The following ALDH1L1 variants were observed in gnomAD, a reference collection of about 807,000 sequenced individuals.
The protein encoded by ALDH1L1 is cytosolic 10-formyltetrahydrofolate dehydrogenase.
In ALDH1L1, 68 loss-of-function variants were observed where a neutral mutation model predicts 101.1. The ratio of observed to expected loss-of-function variants is 0.67; its 90% CI spans 0.55 to 0.82. ALDH1L1 has a LOEUF of 0.82. Ranked by LOEUF, ALDH1L1 falls within the 40% of genes least tolerant of loss-of-function variation. The pLI, the probability that ALDH1L1 is intolerant of heterozygous loss-of-function variation, is 0.00. For synonymous variants in ALDH1L1, 486 were observed against 470.8 expected (o/e 1.03, Z -0.42); for missense variants, 1,087 against 1,172.7 (o/e 0.93, Z 1.07).
intron 11 of ALDH1L1, 81 bp downstream of exon 11, chr3:126,136,682 AC>A: frequency 2.6e-6 from 4 of 1,528,136 alleles, no homozygotes; most frequent in Admixed American, 4.0e-5. Flanking sequence ...CAGGGTCAGG[AC>A]CCCCAGAGGC....
intron 22 of ALDH1L1, chr3:126,104,196 GC>G (rs2108156286): frequency 3.1e-6 from 1 of 325,086 alleles, no homozygotes. Flanking sequence ...TCTCATGGCT[GC>G]CCCCAGCTAC....
At position 126,145,560 on chromosome 3, in the gene ALDH1L1, C is replaced by T. The variant is rs901631794; in HGVS notation, c.1076+1275G>A. 2.6e-5 allele frequency among the ~76,000 whole-genome samples: 4 copies of T among 152,200 alleles called. No individual in the cohort carries two copies. The East Asian group carries it at 7.7e-4, about 29-fold the overall frequency. ...AGGGCTGAATTTTGAGGACATCATG[C>T]TAAGCGTAAAAAGCCAGTCACAGAA... is the stretch of plus-strand genomic sequence containing the variant. On this transcript the variant is annotated intron_variant, in intron 9 of 22. Transcript: ENST00000393434.
rs1328040899 is a variant in ALDH1L1, at chr3:126,154,722, C to G, written c.631-79G>C. The stretch of plus-strand genomic sequence containing the variant: ...CCCTGATGACATCTGGACAGTGGAC[C>G]AAGCTCTTGTGAGACAGCTGGTAAC... On this transcript the variant is annotated intron_variant, in intron 5 of 22. Coordinates refer to ENST00000393434, the MANE Select transcript of ALDH1L1 (RefSeq NM_012190.4). 42 of 1,358,652 alleles carry G rather than the reference C, an allele frequency of 3.1e-5. No homozygotes were observed. In the Admixed American group the frequency reaches 7.3e-4, roughly 24 times the overall value. 84.2% of individuals were successfully genotyped at this position (1,358,652 alleles called of 1,614,324 possible). A position where few individuals can be genotyped will look rare whatever the true frequency, so the allele number is the denominator to read the frequency against.
Position 126,131,620 on chromosome 3 carries a change from G to A in ALDH1L1, c.1473-86C>T, listed in dbSNP as rs143308854. On this transcript the variant is annotated intron_variant, in intron 12 of 22. Coordinates refer to ENST00000393434, the MANE Select transcript of ALDH1L1 (RefSeq NM_012190.4). ...CACAAGGCCCTTCTTCAAGGAGCTG[G>A]GGTCCTGCCCTCTACCCCAGTTCTG... 161 of 1,464,384 alleles carry A rather than the reference G, an allele frequency of 1.1e-4. 1 individual carries two copies. In the East Asian group the frequency reaches 3.5e-3, roughly 31 times the overall value. The allele number at this position is 1,464,384 out of a possible 1,614,324, so 90.7% of individuals were successfully genotyped here. A position where few individuals can be genotyped will look rare whatever the true frequency, so the allele number is the denominator to read the frequency against.
In ALDH1L1 at chr3:126,130,256, C is replaced by T. The variant is rs140551047; in HGVS notation, c.1661G>A (p.Arg554His). 1.6e-5 allele frequency: 26 copies of T among 1,609,806 alleles called. No individual in the cohort carries two copies. The highest frequency in any genetic ancestry group is 9.4e-5 in the African/African-American group (7 of 74,736). The change falls in exon 14 of 23, where the codon CGC becomes CAC. Residue 554 changes from arginine (R) to histidine (H), a missense_variant. Physicochemically the swap from Arg to His is conservative, Grantham distance 29 (BLOSUM62 0). Coordinates refer to ENST00000393434, the MANE Select transcript of ALDH1L1 (RefSeq NM_012190.4). Reference protein sequence around the residue: ...TIPINQARPNRNLTLTRKEPV... With the variant: ...TIPINQARPNHNLTLTRKEPV... The stretch of plus-strand genomic sequence containing the variant: ...CTCCTTCCTGGTCAAGGTCAGGTTG[C>T]GGTTGGGTCTGGCCTGGTTGATGGG...
intron 16 of ALDH1L1, among the ~76,000 whole-genome samples, chr3:126,121,054 T>C (rs1424863158): frequency 6.6e-6 from 1 of 152,182 alleles, no homozygotes; most frequent in African/African-American, 2.4e-5. Flanking sequence ...GGGTGGGCCC[T>C]GATCCAAAAT....
chr3:126,156,562 C>G (rs1407599948), intron 4 of ALDH1L1: 2 of 152,328 alleles, frequency 1.3e-5, no homozygotes, highest in Non-Finnish European at 2.9e-5. Flanking sequence ...TGTCCTCGGG[C>G]AGGGGCAAGC....
chr3:126,177,489 A>G (rs529476341), intron 1 of ALDH1L1, among the ~76,000 whole-genome samples: 20 of 152,306 alleles, frequency 1.3e-4, no homozygotes, highest in Middle Eastern at 3.4e-3. Context: ...CATACATACT[A>G]TATGACATTC....
At chr3:126,129,473 G>C (rs976624528) in intron 14 of ALDH1L1, 1 of 152,632 alleles carries the variant, frequency 6.6e-6, no homozygotes, top group Non-Finnish European at 1.5e-5. Context: ...TGCAGGCGCA[G>C]TGAGGGTGGA....
At position 126,105,869 on chromosome 3, in the gene ALDH1L1, C is replaced by T; in HGVS notation, c.2510G>A (p.Gly837Asp). The change falls in exon 22 of 23, where the codon GGT becomes GAT. Residue 837 changes from glycine to aspartate, a missense_variant. Physicochemically the swap from Gly to Asp is moderately conservative, Grantham distance 94. This residue lies in a region of ALDH1L1 where 442 missense variants were observed against 535.7 expected (regional missense o/e 0.83). Coordinates refer to ENST00000393434, the MANE Select transcript of ALDH1L1 (RefSeq NM_012190.4). The part of the protein sequence containing the change: ...ANATEFGLAS[G>D]VFTRDINKAL... ...CTTGTTGATGTCCCTGGTGAAGACACCAGAAGCCAGGCCAAATTCCGTGGC... is the reference window on the plus strand; with the variant it reads ...CTTGTTGATGTCCCTGGTGAAGACATCAGAAGCCAGGCCAAATTCCGTGGC... The T allele has an allele frequency of 6.2e-7, 1 of 1,614,170 alleles. No individual in the cohort carries two copies. The highest frequency in any genetic ancestry group is 8.5e-7 in the Non-Finnish European group (1 of 1,180,020).
chr3:126,163,051 A>T (rs2081093334), intron 1 of ALDH1L1, among the ~76,000 whole-genome samples: 1 of 152,188 alleles, frequency 6.6e-6, no homozygotes, highest in South Asian at 2.1e-4. Context: ...TGTAGTGGTG[A>T]AGATACATAA....
chr3:126,122,892 C>A (rs978958707), intron 16 of ALDH1L1, among the ~76,000 whole-genome samples: 4 of 151,912 alleles, frequency 2.6e-5, no homozygotes, highest in Non-Finnish European at 5.9e-5. Flanking sequence ...AGTAGTACAG[C>A]AGGAGAAACA....
At chr3:126,156,331 C>T (rs895686453) in intron 4 of ALDH1L1, 4 of 152,250 alleles carry the variant, frequency 2.6e-5, no homozygotes, top group African/African-American at 9.6e-5. Context: ...AGCAACTCTA[C>T]TTTGTTCACT....
At chr3:126,148,515 C>T (rs932301885) in intron 8 of ALDH1L1, among the ~76,000 whole-genome samples, 4 of 152,162 alleles carry the variant, frequency 2.6e-5, no homozygotes, top group Admixed American at 2.0e-4. Flanking sequence ...CATCGGTCTC[C>T]AGACCATACA....
Position 126,103,710 on chromosome 3 carries a change from T to A in ALDH1L1, c.*81A>T, listed in dbSNP as rs1184013969. On this transcript the variant is annotated 3_prime_UTR_variant, in exon 23 of 23. Coordinates refer to ENST00000393434, the MANE Select transcript of ALDH1L1 (RefSeq NM_012190.4). ...TTCCACTAGCCCCCCAGGTGGGAGGTGCTGTGCACCCAGGCTCAAGAGGGA... is the reference window on the plus strand; with the variant it reads ...TTCCACTAGCCCCCCAGGTGGGAGGAGCTGTGCACCCAGGCTCAAGAGGGA... 2 of 1,471,524 alleles carry A rather than the reference T, an allele frequency of 1.4e-6. No homozygotes were observed. The highest frequency in any genetic ancestry group is 3.7e-5 in the Admixed American group (2 of 53,778). The allele number at this position is 1,471,524 out of a possible 1,614,324, so 91.2% of individuals were successfully genotyped here. A position where few individuals can be genotyped will look rare whatever the true frequency, so the allele number is the denominator to read the frequency against.
intron 7 of ALDH1L1, chr3:126,151,596 AAG>A (rs2080807916): frequency 6.6e-6 from 1 of 152,240 alleles, no homozygotes; most frequent in Non-Finnish European, 1.5e-5. Flanking sequence ...CATGTACAAA[AAG>A]AGTTATGGAT....
rs140716591 is a variant in ALDH1L1 at position 126,136,874 on chromosome 3, C to A, written c.1234G>T (p.Ala412Ser). 21 of 1,613,636 alleles carry A rather than the reference C, an allele frequency of 1.3e-5. No homozygotes were observed. The highest frequency in any genetic ancestry group is 8.0e-5 in the African/African-American group (6 of 75,032). ...GECSIDYVEM[A>S]VNKRTVRMPH... ...ATGCGGACAGTGCGCTTGTTCACTG[C>A]CATTTCCACCTGAAAGAAAGGCCCC... Residue 412 changes from alanine (A) to serine (S), a missense_variant, in exon 11 of 23, where the codon GCA (alanine) becomes TCA (serine). Ala to Ser is a moderately conservative substitution (Grantham distance 99, BLOSUM62 1). Coordinates refer to ENST00000393434, the MANE Select transcript of ALDH1L1 (RefSeq NM_012190.4).
At chr3:126,180,660 C>A (rs2081459383), upstream of ALDH1L1, 2 of 1,336,036 alleles carry the variant, frequency 1.5e-6, no homozygotes, top group South Asian at 1.7e-5. Context: ...GGAGAGTCAG[C>A]CGAGTGGGGG....
At chr3:126,118,655 C>T (rs2108205432) in intron 16 of ALDH1L1, among the ~76,000 whole-genome samples, 1 of 152,290 alleles carries the variant, frequency 6.6e-6, no homozygotes, top group Non-Finnish European at 1.5e-5. Context: ...TTTTCACCAT[C>T]AGGCAGACCC....
Sources: gnomAD v4.1 joint callset for allele counts (sites outside exome capture counted in the v4.1 genomes callset) on GRCh38, gnomAD v4.1.1 for gene constraint, gnomAD v4.1.1 regional missense constraint, MANE v1.5 for transcripts, NCBI Gene and HGNC (gene_info 2026-07-23, HGNC 2026-07-21) for gene names.